DOCK5: variants seen among roughly 807,000 people sequenced by gnomAD.
DOCK5 encodes dedicator of cytokinesis 5, also known as dedicator of cytokinesis protein 5.
A neutral mutation model predicts 251.8 loss-of-function variants in DOCK5; 142 were observed. The observed-to-expected ratio is 0.56, with a 90% CI of 0.49 to 0.65. The LOEUF is 0.65. Ranked by LOEUF, DOCK5 falls within the 30% of genes least tolerant of loss-of-function variation. The pLI is 0.00. For synonymous variants in DOCK5, 842 were observed against 835.5 expected, an observed-to-expected ratio of 1.01 and a Z score of -0.13; for missense variants, 2,111 against 2,312.3, an observed-to-expected ratio of 0.91 and a Z score of 1.79.
At chr8:25,410,007 G>A (rs1003328598) in intron 50 of DOCK5, 92 bp from the exon 51 acceptor site, 2 of 1,033,540 alleles carry the variant, frequency 1.9e-6, no homozygotes, top group South Asian at 1.5e-5. Context: ...TGGTTGACCA[G>A]GTTGGCTTAG....
At chr8:25,348,741 G>A (rs1800413281) in intron 26 of DOCK5, among the ~76,000 whole-genome samples, 1 of 151,982 alleles carries the variant, frequency 6.6e-6, no homozygotes, top group African/African-American at 2.4e-5. Context: ...TGGAGGCTGA[G>A]GCGGGAGAAT....
chr8:25,227,825 C>T (rs1240184518), intron 1 of DOCK5, among the ~76,000 whole-genome samples: 3 of 152,172 alleles, frequency 2.0e-5, no homozygotes, highest in Non-Finnish European at 4.4e-5. Flanking sequence ...GTTTTCTAAG[C>T]ATCCATTAAT....
At chr8:25,294,140 C>T (rs1804560392) in intron 6 of DOCK5, among the ~76,000 whole-genome samples, 1 of 152,208 alleles carries the variant, frequency 6.6e-6, no homozygotes, top group Admixed American at 6.5e-5. Flanking sequence ...AGGATGTTCA[C>T]ACCCCACAAA....
intron 2 of DOCK5, among the ~76,000 whole-genome samples, chr8:25,250,491 T>A (rs1272871482): frequency 6.6e-6 from 1 of 152,222 alleles, no homozygotes; most frequent in Non-Finnish European, 1.5e-5. Flanking sequence ...AGCTGTTTAT[T>A]ACTGTGAACG....
intron 13 of DOCK5, among the ~76,000 whole-genome samples, chr8:25,311,559 A>C (rs1805097857): frequency 6.7e-6 from 1 of 149,984 alleles, no homozygotes; most frequent in Non-Finnish European, 1.5e-5. Context: ...AAAAAAAAAG[A>C]AAAAAGAAAA....
rs141305711 is a variant in DOCK5, at chr8:25,336,265, A to T, written c.2219A>T (p.Tyr740Phe). Residue 740 changes from tyrosine (Y) to phenylalanine (F), a missense_variant, in exon 22 of 52, where the codon TAT (tyrosine) becomes TTT (phenylalanine). By Grantham distance (22) the Tyr-to-Phe change is conservative (BLOSUM62 3). Transcript: ENST00000276440. ...YVKLSKVLNF[Y>F]VANADDSSKT... ...AAACTCTCCAAGGTACTGAACTTCT[A>T]TGTGGCTAATGCAGATGACTCCAGC... is the stretch of plus-strand genomic sequence containing the variant. 1.2e-6 allele frequency: 2 copies of T among 1,613,706 alleles called. No homozygotes were observed. The highest frequency in any genetic ancestry group is 3.3e-5 in the Admixed American group (2 of 60,008).
intron 1 of DOCK5, among the ~76,000 whole-genome samples, chr8:25,199,912 A>G (rs1044351709): frequency 5.3e-5 from 8 of 152,226 alleles, no homozygotes; most frequent in African/African-American, 1.9e-4. Flanking sequence ...GTTCTTTACC[A>G]TAAGCAGAGA....
At chr8:25,347,828 C>T (rs1800397141) in intron 26 of DOCK5, among the ~76,000 whole-genome samples, 1 of 152,130 alleles carries the variant, frequency 6.6e-6, no homozygotes, top group African/African-American at 2.4e-5. Flanking sequence ...TCTAGACGAC[C>T]TCTTTAGTCT....
At chr8:25,273,158 G>A (rs556277530) in intron 3 of DOCK5, among the ~76,000 whole-genome samples, 169 of 152,202 alleles carry the variant, frequency 1.1e-3, no homozygotes, top group African/African-American at 3.7e-3. Context: ...TAGAGCTTCC[G>A]AACTGCAGAA....
At chr8:25,352,220 G>GAA (rs796559970) in intron 27 of DOCK5, among the ~76,000 whole-genome samples, 3 of 15,742 alleles carry the variant, frequency 1.9e-4, no homozygotes, top group Non-Finnish European at 3.8e-4. Flanking sequence ...CTTTGAAAAA[G>GAA]AAAAAAAAAA....
Position 25,392,069 on chromosome 8 carries a change from C to T in DOCK5, c.4440+89C>T, listed in dbSNP as rs965683593. 25 of 1,216,870 alleles carry T rather than the reference C, an allele frequency of 2.1e-5. No homozygotes were observed. The Admixed American group carries it at 4.0e-4, about 20-fold the overall frequency. 75.4% of individuals were successfully genotyped at this position (1,216,870 alleles called of 1,614,324 possible). On this transcript the variant is annotated intron_variant, in intron 43 of 51. Transcript: ENST00000276440. ...CTGTAATCCCAGCATTCTGGGAGGC[C>T]GATGCGGGCGGATCACGAAGTCAAG... is the stretch of plus-strand genomic sequence containing the variant.
At chr8:25,389,598 T>G (rs1218236443) in intron 41 of DOCK5, among the ~76,000 whole-genome samples, 1 of 152,224 alleles carries the variant, frequency 6.6e-6, no homozygotes, top group Non-Finnish European at 1.5e-5. Flanking sequence ...ACTTGATCAT[T>G]AAATCAGAGC....
At chr8:25,374,874 A>G (rs1800937080) in intron 37 of DOCK5, 1 of 1,370,980 alleles carries the variant, frequency 7.3e-7, no homozygotes, top group East Asian at 3.0e-5. Flanking sequence ...AAAGCAGAGC[A>G]CGACTTATGA....
In DOCK5 at chr8:25,345,631, A is replaced by T. The variant is rs753443336; in HGVS notation, c.2754+20A>T. On this transcript the variant is annotated intron_variant, in intron 26 of 51. Transcript: ENST00000276440. ...GATGTGGTGAGTTGAGTCATCACTG[A>T]TGCTGCACAGAGTTCACACTGTCCC... The T allele has an allele frequency of 2.0e-5, 32 of 1,613,016 alleles. No homozygotes were observed. Among genetic ancestry groups the T allele is most frequent in the Non-Finnish European group, 2.6e-5 (31 of 1,179,658 alleles).
chr8:25,251,669 C>G lies in DOCK5; in HGVS notation c.127+7912C>G, dbSNP rs1310262533. The stretch of plus-strand genomic sequence containing the variant: ...CAATGAATTTTGTCTGCATGTTTGC[C>G]AAAACTTTCTAACAGAGATATAAAA... On this transcript the variant is annotated intron_variant, in intron 2 of 51. Coordinates refer to ENST00000276440, the MANE Select transcript of DOCK5 (RefSeq NM_024940.8). Among the ~76,000 whole-genome samples, 4 of 152,148 alleles carry G rather than the reference C, an allele frequency of 2.6e-5. No homozygotes were observed. In the East Asian group the frequency reaches 7.7e-4, roughly 29 times the overall value.
intron 1 of DOCK5, among the ~76,000 whole-genome samples, chr8:25,236,510 T>C (rs1479816656): frequency 6.6e-6 from 1 of 152,280 alleles, no homozygotes; most frequent in East Asian, 1.9e-4. Flanking sequence ...TGTGCCTCTT[T>C]AGTTTTTATA....
At chr8:25,358,107 C>A (rs1485412681) in intron 27 of DOCK5, among the ~76,000 whole-genome samples, 1 of 152,060 alleles carries the variant, frequency 6.6e-6, no homozygotes, top group African/African-American at 2.4e-5. Flanking sequence ...TTGTATTAGT[C>A]CGTTCTCATG....
intron 28 of DOCK5, among the ~76,000 whole-genome samples, chr8:25,360,491 C>T (rs888668056): frequency 5.3e-5 from 8 of 152,084 alleles, no homozygotes; most frequent in Non-Finnish European, 8.8e-5. Context: ...GGTGGTGTAG[C>T]GGGTAAGAGC....
rs895405477 is a variant in DOCK5, at chr8:25,184,841, G to A, written c.-68G>A. On this transcript the variant is annotated 5_prime_UTR_variant, in exon 1 of 52. Transcript: ENST00000276440. Reference sequence around the variant, plus strand: ...TCTGGGGCACGCAGGAGCGCGGGGCGGCGGCGGCCGGAGCCCGAGGAGCTG... The same window carrying A: ...TCTGGGGCACGCAGGAGCGCGGGGCAGCGGCGGCCGGAGCCCGAGGAGCTG... 5.2e-5 allele frequency: 65 copies of A among 1,256,404 alleles called. No individual in the cohort carries two copies. The highest frequency in any genetic ancestry group is 6.5e-5 in the Non-Finnish European group (64 of 988,744). The allele number at this position is 1,256,404 out of a possible 1,614,324, so 77.8% of individuals were successfully genotyped here.
Sources: gnomAD v4.1 joint callset for allele counts (sites outside exome capture counted in the v4.1 genomes callset) on GRCh38, gnomAD v4.1.1 for gene constraint, MANE v1.5 for transcripts, NCBI Gene and HGNC (gene_info 2026-07-23, HGNC 2026-07-21) for gene names.